The following MAGI2 variants were observed in gnomAD, a reference collection of about 807,000 sequenced individuals.
MAGI2 encodes membrane-associated guanylate kinase, WW and PDZ domain-containing protein 2.
A neutral mutation model predicts 133.3 loss-of-function variants in MAGI2; 35 were observed. The observed-to-expected ratio is 0.26, with a 90% CI of 0.20 to 0.35. The LOEUF is 0.35. Ranked by LOEUF, MAGI2 falls within the 10% of genes least tolerant of loss-of-function variation. MAGI2 has a pLI of 1.00. For missense variants in MAGI2, 1,636 were observed against 1,863.4 expected, an observed-to-expected ratio of 0.88 and a Z score of 2.25; for synonymous variants, 729 against 710.6, an observed-to-expected ratio of 1.03 and a Z score of -0.41.
chr7:78,333,607 G>C (rs1789454219), intron 9 of MAGI2, among the ~76,000 whole-genome samples: 1 of 152,212 alleles, frequency 6.6e-6, no homozygotes, highest in Non-Finnish European at 1.5e-5. Flanking sequence ...GCAGGATCCA[G>C]CCTAGGCCTT....
intron 1 of MAGI2, among the ~76,000 whole-genome samples, chr7:79,126,898 C>T (rs1310596847): frequency 6.6e-6 from 1 of 151,896 alleles, no homozygotes; most frequent in Non-Finnish European, 1.5e-5. Context: ...GTGCTGCACC[C>T]ATTAACTCGT....
chr7:79,135,672 G>A (rs200495567), intron 1 of MAGI2, among the ~76,000 whole-genome samples: 1 of 152,116 alleles, frequency 6.6e-6, no homozygotes, highest in East Asian at 1.9e-4. Context: ...CACTGTGGCC[G>A]ACAGATGTAA....
At chr7:78,712,162 C>T (rs1023725714) in intron 2 of MAGI2, among the ~76,000 whole-genome samples, 4 of 152,132 alleles carry the variant, frequency 2.6e-5, no homozygotes, top group East Asian at 1.9e-4. Context: ...CTACATATTG[C>T]TTGATTATAT....
chr7:79,391,753 C>G (rs1349556733), intron 1 of MAGI2, among the ~76,000 whole-genome samples: 2 of 151,704 alleles, frequency 1.3e-5, no homozygotes, highest in Non-Finnish European at 2.9e-5. Flanking sequence ...GGCGCGATCT[C>G]GGCTCACTGC....
Position 78,217,697 on chromosome 7 carries a change from C to G in MAGI2, c.2048-16504G>C, listed in dbSNP as rs376264809. On this transcript the variant is annotated intron_variant, in intron 10 of 21. Transcript: ENST00000354212. ...CCAGGTCTAGAGTTCTTTTCCCACA[C>G]CAATTTGCCATAGCAAGATGGCAGG... Among the ~76,000 whole-genome samples, 5 of 152,324 alleles carry G rather than the reference C, an allele frequency of 3.3e-5. No homozygotes were observed. In the East Asian group the frequency reaches 5.8e-4, roughly 18 times the overall value.
intron 1 of MAGI2, among the ~76,000 whole-genome samples, chr7:79,286,509 GA>G (rs1019883230): frequency 7.7e-4 from 117 of 151,960 alleles, no homozygotes; most frequent in African/African-American, 2.0e-3. Context: ...GAATATGGGG[GA>G]AAAAATCAAT....
intron 1 of MAGI2, among the ~76,000 whole-genome samples, chr7:79,338,355 T>C (rs1228041281): frequency 2.0e-5 from 3 of 152,160 alleles, no homozygotes; most frequent in Non-Finnish European, 4.4e-5. Flanking sequence ...TTAGGTGGTC[T>C]GGTGACCAGA....
chr7:78,363,411 C>T (rs945159391), intron 7 of MAGI2, among the ~76,000 whole-genome samples: 10 of 151,918 alleles, frequency 6.6e-5, no homozygotes, highest in East Asian at 3.9e-4. Context: ...GAGAATGGCG[C>T]GAACCCGGGA....
At chr7:78,559,401 G>C (rs937781245) in intron 3 of MAGI2, among the ~76,000 whole-genome samples, 2 of 151,722 alleles carry the variant, frequency 1.3e-5, no homozygotes, top group South Asian at 2.1e-4. Flanking sequence ...AAATGAAAAG[G>C]GTCAATAATA....
At position 79,342,632 on chromosome 7, in the gene MAGI2, A is replaced by G. The variant is rs542306343; in HGVS notation, c.301+110388T>C. ...AATTTAGTCAATTCAGATAGTAAGTACCACATATTATTTTGCTTTTCTTAG... is the reference window on the plus strand; with the variant it reads ...AATTTAGTCAATTCAGATAGTAAGTGCCACATATTATTTTGCTTTTCTTAG... On this transcript the variant is annotated intron_variant, in intron 1 of 21. Coordinates refer to ENST00000354212, the MANE Select transcript of MAGI2 (RefSeq NM_012301.4). 1.2e-4 allele frequency among the ~76,000 whole-genome samples: 19 copies of G among 152,306 alleles called. No individual in the cohort carries two copies. In the South Asian group the frequency reaches 3.3e-3, roughly 27 times the overall value.
chr7:78,263,868 A>G (rs966880710), intron 9 of MAGI2, among the ~76,000 whole-genome samples: 3 of 152,052 alleles, frequency 2.0e-5, no homozygotes, highest in Non-Finnish European at 4.4e-5. Context: ...AACCTACTCT[A>G]TGCTTCAGTT....
rs572874237 is a variant in MAGI2, at chr7:78,772,457, A to G, written c.419-145218T>C. The stretch of plus-strand genomic sequence containing the variant: ...ACTGGTGCCTCAGCAAAAGAGGAAA[A>G]TAGAGGAAGAGCTGACATAGAATCA... On this transcript the variant is annotated intron_variant, in intron 2 of 21. Transcript: ENST00000354212. Among the ~76,000 whole-genome samples, 4 of 152,314 alleles carry G rather than the reference A, an allele frequency of 2.6e-5. No individual in the cohort carries two copies. The South Asian group carries it at 8.3e-4, about 32-fold the overall frequency.
intron 1 of MAGI2, chr7:79,411,232 T>A (rs981906400): frequency 1.4e-5 from 2 of 146,428 alleles, no homozygotes; most frequent in Non-Finnish European, 3.0e-5. Context: ...CCCAAAGACG[T>A]CTAGGTCTTA....
intron 10 of MAGI2, among the ~76,000 whole-genome samples, chr7:78,212,402 G>C (rs747128822): frequency 6.6e-6 from 1 of 152,148 alleles, no homozygotes; most frequent in Non-Finnish European, 1.5e-5. Flanking sequence ...AACGTTCCTG[G>C]CTGCAGCTAG....
chr7:78,400,124 T>A (rs894340574), intron 6 of MAGI2, among the ~76,000 whole-genome samples: 1 of 152,164 alleles, frequency 6.6e-6, no homozygotes, highest in Admixed American at 6.5e-5. Flanking sequence ...AAACCTAACC[T>A]GTAAATATAA....
At chr7:79,323,629 G>A (rs1395924912) in intron 1 of MAGI2, among the ~76,000 whole-genome samples, 1 of 152,166 alleles carries the variant, frequency 6.6e-6, no homozygotes, top group African/African-American at 2.4e-5. Context: ...GAAATGGAGA[G>A]CCCCTGAAGG....
In MAGI2 at chr7:79,285,304, C is replaced by A. The variant is rs568309566; in HGVS notation, c.301+167716G>T. 3.6e-4 allele frequency among the ~76,000 whole-genome samples: 55 copies of A among 152,106 alleles called. No homozygotes were observed. The South Asian group carries it at 4.8e-3, about 13-fold the overall frequency. On this transcript the variant is annotated intron_variant, in intron 1 of 21. Coordinates refer to ENST00000354212, the MANE Select transcript of MAGI2 (RefSeq NM_012301.4). ...ATTTTAAATATGACAACCAAAGATT[C>A]TTTTTTAAAGTTTTTTCTGTCAAGT...
At chr7:78,541,695 G>A (rs1195775835) in intron 3 of MAGI2, among the ~76,000 whole-genome samples, 2 of 152,134 alleles carry the variant, frequency 1.3e-5, no homozygotes, top group African/African-American at 2.4e-5. Context: ...GGAGCTCTGG[G>A]CATGGGTCAC....
chr7:79,076,789 G>A (rs1363833282), intron 1 of MAGI2, among the ~76,000 whole-genome samples: 1 of 152,048 alleles, frequency 6.6e-6, no homozygotes, highest in African/African-American at 2.4e-5. Context: ...TCTTTTTAAT[G>A]TAAATTTTAT....
Sources: gnomAD v4.1 joint callset for allele counts (sites outside exome capture counted in the v4.1 genomes callset) on GRCh38, gnomAD v4.1.1 for gene constraint, MANE v1.5 for transcripts, NCBI Gene and HGNC (gene_info 2026-07-23, HGNC 2026-07-21) for gene names.